KLHL22: variants seen among roughly 807,000 people sequenced by gnomAD.
KLHL22 encodes kelch-like protein 22.
Under a neutral mutation model 60.7 loss-of-function variants are expected in KLHL22, and 18 were observed. The ratio of observed to expected loss-of-function variants is 0.30; its 90% CI spans 0.20 to 0.44. KLHL22 has a LOEUF of 0.44. Among genes scored for constraint, KLHL22 ranks in the 20% least tolerant of loss-of-function variants. The pLI, the probability that KLHL22 is intolerant of heterozygous loss-of-function variation, is 1.00. For missense variants in KLHL22, 596 were observed against 852.3 expected (o/e 0.70, Z 3.74); for synonymous variants, 355 against 354.5 (o/e 1.00, Z -0.01).
chr22:20,446,771 G>T, intron 5 of KLHL22, 95 bp from the exon 6 acceptor site: 1 of 889,396 alleles, frequency 1.1e-6, no homozygotes, highest in Non-Finnish European at 1.8e-6. Context: ...ACACCTGCCT[G>T]ACAACGCTGT....
chr22:20,478,680 A>G (rs530935226), intron 2 of KLHL22, among the ~76,000 whole-genome samples: 17 of 148,856 alleles, frequency 1.1e-4, no homozygotes, highest in African/African-American at 4.2e-4. Context: ...ACGCCTAGCT[A>G]ATTTTTTGTA....
At chr22:20,451,948 C>T in intron 5 of KLHL22, 1 of 834,264 alleles carries the variant, frequency 1.2e-6, no homozygotes, top group East Asian at 2.5e-5. Flanking sequence ...GGCACCAGTG[C>T]AGTGATGATT....
chr22:20,470,301 A>G (rs1433967645), intron 3 of KLHL22, among the ~76,000 whole-genome samples: 1 of 151,446 alleles, frequency 6.6e-6, no homozygotes, highest in Non-Finnish European at 1.5e-5. Context: ...GTGAACTATG[A>G]TCATGCCATT....
chr22:20,457,991 T>C lies in KLHL22; in HGVS notation c.1122A>G (p.Pro374=). The part of the protein sequence containing the change: ...RAESRCWRYD[P]RHNRWFQIQS... ...GGATCTGGAACCAGCGGTTGTGCCG[T>C]GGGTCATACCTGTGCCGAGACATGA... Residue 374 remains proline, a synonymous_variant, in exon 5 of 7, where the codon CCA becomes CCG. Transcript: ENST00000328879. The C allele has an allele frequency of 6.2e-7, 1 of 1,614,080 alleles. No individual in the cohort carries two copies. The highest frequency in any genetic ancestry group is 8.5e-7 in the Non-Finnish European group (1 of 1,180,004).
intron 4 of KLHL22, among the ~76,000 whole-genome samples, chr22:20,462,749 G>A (rs570338360): frequency 6.6e-6 from 1 of 152,170 alleles, no homozygotes; most frequent in South Asian, 2.1e-4. Flanking sequence ...GTAATCCACA[G>A]GGCTATGGCT....
intron 6 of KLHL22, among the ~76,000 whole-genome samples, chr22:20,444,866 C>A (rs139519810): frequency 0.025 from 3,811 of 152,130 alleles, 163 homozygotes; most frequent in African/African-American, 0.087. Flanking sequence ...TTCACTGCAG[C>A]CTCAACCTCC....
At position 20,489,313 on chromosome 22, in the gene KLHL22, C is replaced by T; in HGVS notation, c.-33-69G>A. On this transcript the variant is annotated intron_variant, in intron 1 of 6. Coordinates refer to ENST00000328879, the MANE Select transcript of KLHL22 (RefSeq NM_032775.4). The stretch of plus-strand genomic sequence containing the variant: ...TCAGCCCCACCACACACAGACTGGC[C>T]AGCTCTGTTGCTCCCCTTGCTCCTG... 6.0e-6 allele frequency: 7 copies of T among 1,157,886 alleles called. No individual in the cohort carries two copies. The East Asian group carries it at 1.0e-4, about 17-fold the overall frequency. The allele number at this position is 1,157,886 out of a possible 1,614,324, so 71.7% of individuals were successfully genotyped here.
At chr22:20,449,976 G>C in intron 5 of KLHL22, 1 of 553,830 alleles carries the variant, frequency 1.8e-6, no homozygotes, top group South Asian at 2.0e-5. Context: ...CGGCGGCGAC[G>C]CTTCGGCTCC....
Position 20,489,256 on chromosome 22 carries a change from CA to C in KLHL22, c.-33-13del. On this transcript the variant is annotated splice_polypyrimidine_tract_variant and intron_variant, in intron 1 of 6. Transcript: ENST00000328879. ...CTTACAACTGTGGCCTGACAGTTGGCAAAACAGGGGACAGGGGTGAGCAGGC... is the reference window on the plus strand; with the variant it reads ...CTTACAACTGTGGCCTGACAGTTGGCAAACAGGGGACAGGGGTGAGCAGGC... 1 of 1,596,406 alleles carries C rather than the reference CA, an allele frequency of 6.3e-7. No individual in the cohort carries two copies. The highest frequency in any genetic ancestry group is 8.6e-7 in the Non-Finnish European group (1 of 1,165,900).
At chr22:20,446,924 T>A (rs1057449815) in intron 5 of KLHL22, among the ~76,000 whole-genome samples, 1 of 152,198 alleles carries the variant, frequency 6.6e-6, no homozygotes, top group Admixed American at 6.5e-5. Flanking sequence ...AGCCTTTGTC[T>A]TTCCTTTGCT....
chr22:20,466,517 C>G (rs2053239390), intron 3 of KLHL22, among the ~76,000 whole-genome samples: 2 of 152,070 alleles, frequency 1.3e-5, no homozygotes, highest in South Asian at 4.1e-4. Context: ...CTGGAAGAGC[C>G]TGCCTCTCCA....
At chr22:20,485,988 G>A (rs777299599) in intron 2 of KLHL22, among the ~76,000 whole-genome samples, 1 of 151,294 alleles carries the variant, frequency 6.6e-6, no homozygotes, top group Non-Finnish European at 1.5e-5. Context: ...CCAACATGGT[G>A]AAACCCTGTC....
chr22:20,485,306 A>G (rs913720224), intron 2 of KLHL22, among the ~76,000 whole-genome samples: 3 of 152,310 alleles, frequency 2.0e-5, no homozygotes, highest in Admixed American at 2.0e-4. Context: ...GTGTAGGGTC[A>G]GGGGAGCCAA....
chr22:20,447,724 A>G (rs1291873812), intron 5 of KLHL22, among the ~76,000 whole-genome samples: 5 of 151,808 alleles, frequency 3.3e-5, no homozygotes, highest in African/African-American at 1.2e-4. Context: ...TGTATTTTTA[A>G]TAGAGACAGG....
chr22:20,476,604 G>T (rs184649175), intron 2 of KLHL22, among the ~76,000 whole-genome samples: 1 of 151,060 alleles, frequency 6.6e-6, no homozygotes, highest in East Asian at 2.0e-4. Flanking sequence ...TAGTAGAGAC[G>T]GGGTTTCACC....
intron 6 of KLHL22, among the ~76,000 whole-genome samples, chr22:20,444,090 G>A (rs2052815738): frequency 6.7e-6 from 1 of 149,660 alleles, no homozygotes; most frequent in Non-Finnish European, 1.5e-5. Context: ...GGTAAAGCCA[G>A]ACAAGAGAGC....
At chr22:20,450,269 G>A (rs1047788877) in intron 5 of KLHL22, 3 of 950,174 alleles carry the variant, frequency 3.2e-6, no homozygotes, top group Non-Finnish European at 5.2e-6. Context: ...ATGAGATTGT[G>A]CTGGCTGCCT....
At chr22:20,483,431 C>G in intron 2 of KLHL22, 1 of 821,926 alleles carries the variant, frequency 1.2e-6, no homozygotes, top group Middle Eastern at 3.5e-4. Context: ...GCAATCTGGT[C>G]TTGTAGGCCT....
intron 2 of KLHL22, among the ~76,000 whole-genome samples, 156 bp from the exon 3 acceptor site, chr22:20,471,671 C>G (rs969455161): frequency 6.6e-6 from 1 of 152,182 alleles, no homozygotes; most frequent in Non-Finnish European, 1.5e-5. Context: ...TGTGTGCATG[C>G]ATGAGCCATC....
Sources: allele counts gnomAD v4.1 joint callset (sites outside exome capture counted in the v4.1 genomes callset), GRCh38; gene constraint gnomAD v4.1.1; transcripts MANE v1.5; gene names NCBI Gene and HGNC (gene_info 2026-07-23, HGNC 2026-07-21).